The following DNAJC3 variants were observed in gnomAD, a reference collection of about 807,000 sequenced individuals.
DNAJC3 encodes the protein DnaJ heat shock protein family (Hsp40) member C3.
A neutral mutation model predicts 68.6 loss-of-function variants in DNAJC3; 38 were observed. That is an observed-to-expected ratio of 0.55 (90% CI 0.43 to 0.73). The LOEUF (loss-of-function observed/expected upper bound fraction) is 0.73, where lower values mean the gene tolerates loss of function less well. Ranked by LOEUF, DNAJC3 falls within the 30% of genes least tolerant of loss-of-function variation. The pLI, the probability that DNAJC3 is intolerant of heterozygous loss-of-function variation, is 0.00. For missense variants in DNAJC3, 526 were observed against 591.9 expected (o/e 0.89, Z 1.16); for synonymous variants, 203 against 204.0 (o/e 1.00, Z 0.04).
At chr13:95,686,219 C>T (rs1471951242) in intron 1 of DNAJC3, among the ~76,000 whole-genome samples, 1 of 152,104 alleles carries the variant, frequency 6.6e-6, no homozygotes, top group Non-Finnish European at 1.5e-5. Context: ...CCTTGGCCTC[C>T]CAAAGTGCTG....
intron 1 of DNAJC3, among the ~76,000 whole-genome samples, chr13:95,704,849 G>GTTTTTTTTTTTTTTTTTTTTTTT (rs1292968162): frequency 2.9e-5 from 3 of 102,884 alleles, no homozygotes; most frequent in African/African-American, 2.2e-4. Flanking sequence ...CTGTGTGTGT[G>GTTTTTTTTTTTTTTTTTTTTTTT]TGTTTTTTTT....
At chr13:95,760,574 G>C in intron 6 of DNAJC3, 105 bp from the exon 7 acceptor site, 1 of 1,418,642 alleles carries the variant, frequency 7.0e-7, no homozygotes, top group Non-Finnish European at 9.4e-7. Flanking sequence ...TATGGTTTTT[G>C]TTTAATCGTT....
chr13:95,776,430 G>A (rs1310411991), intron 9 of DNAJC3, among the ~76,000 whole-genome samples: 1 of 152,160 alleles, frequency 6.6e-6, no homozygotes, highest in East Asian at 1.9e-4. Flanking sequence ...TTACTGGGAG[G>A]TGGCTTAGTG....
chr13:95,710,022 C>T (rs1880905211), intron 2 of DNAJC3, among the ~76,000 whole-genome samples: 1 of 152,096 alleles, frequency 6.6e-6, no homozygotes, highest in African/African-American at 2.4e-5. Context: ...CACTTGATAT[C>T]CTTGGGAGAT....
At chr13:95,695,151 T>G (rs1159051971) in intron 1 of DNAJC3, 1 of 152,172 alleles carries the variant, frequency 6.6e-6, no homozygotes, top group African/African-American at 2.4e-5. Context: ...CCGTAGCAAT[T>G]CTCCACCTTT....
In DNAJC3 at chr13:95,763,703, A is replaced by T. The variant is rs540620422; in HGVS notation, c.909A>T (p.Glu303Asp). 2 of 1,614,092 alleles carry T rather than the reference A, an allele frequency of 1.2e-6. No individual in the cohort carries two copies. The highest frequency in any genetic ancestry group is 1.7e-6 in the Non-Finnish European group (2 of 1,179,948). Reference protein sequence around the residue: ...SVMKTEPSIAEYTVRSKERIC... With the variant: ...SVMKTEPSIADYTVRSKERIC... The stretch of plus-strand genomic sequence containing the variant: ...TGAAAACAGAGCCAAGCATTGCTGA[A>T]TATACAGTTCGTTCAAAGGAGAGGA... Residue 303 changes from glutamate to aspartate, a missense_variant, in exon 8 of 12, where the codon GAA (glutamate) becomes GAT (aspartate). By Grantham distance (45) the Glu-to-Asp change is conservative (BLOSUM62 2). Transcript: ENST00000602402.
intron 9 of DNAJC3, among the ~76,000 whole-genome samples, chr13:95,766,872 T>TG (rs1253915469): frequency 6.6e-6 from 1 of 152,220 alleles, no homozygotes; most frequent in East Asian, 1.9e-4. Flanking sequence ...TGGCTAATTT[T>TG]TGTGTTTTTA....
chr13:95,697,720 T>C (rs1880481030), intron 1 of DNAJC3, among the ~76,000 whole-genome samples: 1 of 152,068 alleles, frequency 6.6e-6, no homozygotes, highest in African/African-American at 2.4e-5. Flanking sequence ...AAAATTCTTT[T>C]AAGATTTTAA....
chr13:95,724,403 AAG>A (rs1881438891), intron 3 of DNAJC3, among the ~76,000 whole-genome samples: 1 of 152,214 alleles, frequency 6.6e-6, no homozygotes, highest in Non-Finnish European at 1.5e-5. Flanking sequence ...ACATTAGAAG[AAG>A]AGGAATATCA....
intron 1 of DNAJC3, among the ~76,000 whole-genome samples, chr13:95,688,566 A>T (rs775677279): frequency 3.5e-4 from 53 of 150,834 alleles, no homozygotes; most frequent in Non-Finnish European, 6.5e-4. Context: ...CCCAGGCTGG[A>T]GTGCAGTGGC....
chr13:95,720,992 A>G (rs1481138849), intron 2 of DNAJC3, among the ~76,000 whole-genome samples: 3 of 152,092 alleles, frequency 2.0e-5, no homozygotes, highest in Non-Finnish European at 4.4e-5. Context: ...AGTCATCACT[A>G]TCCATTTCCA....
chr13:95,717,339 C>T (rs1434023917), intron 2 of DNAJC3, among the ~76,000 whole-genome samples: 1 of 152,136 alleles, frequency 6.6e-6, no homozygotes, highest in Admixed American at 6.6e-5. Context: ...ACATTTCAAC[C>T]TCACTTCTGA....
intron 1 of DNAJC3, among the ~76,000 whole-genome samples, chr13:95,686,771 G>C (rs1026590172): frequency 1.3e-5 from 2 of 152,212 alleles, no homozygotes; most frequent in African/African-American, 4.8e-5. Flanking sequence ...TGCCATTTTA[G>C]TTACTATAGC....
At chr13:95,769,358 G>A (rs1057452188) in intron 9 of DNAJC3, among the ~76,000 whole-genome samples, 1 of 152,114 alleles carries the variant, frequency 6.6e-6, no homozygotes, top group African/African-American at 2.4e-5. Context: ...AGGGGTTCCT[G>A]GCTTCTGTTT....
At chr13:95,722,865 T>C (rs1440376806) in intron 2 of DNAJC3, among the ~76,000 whole-genome samples, 2 of 128,966 alleles carry the variant, frequency 1.6e-5, no homozygotes. Flanking sequence ...AAGTTGAATA[T>C]AGTTAATATT....
At chr13:95,699,372 C>T (rs1330763386) in intron 1 of DNAJC3, among the ~76,000 whole-genome samples, 1 of 152,182 alleles carries the variant, frequency 6.6e-6, no homozygotes, top group Non-Finnish European at 1.5e-5. Context: ...GAGTAACTCA[C>T]CCTCTGGGGT....
chr13:95,756,374 GGTTACCAATTCCTA>G (rs1396937476), intron 4 of DNAJC3, among the ~76,000 whole-genome samples: 4 of 152,146 alleles, frequency 2.6e-5, no homozygotes, highest in African/African-American at 9.7e-5. Flanking sequence ...AGTGAGTGGA[GGTTACCAATTCCTA>G]GTTACCAATG....
chr13:95,688,927 GGTGTGTGTGTGTGTGTGTGT>G lies in DNAJC3; in HGVS notation c.82+11610_82+11629del, dbSNP rs57546561. On this transcript the variant is annotated intron_variant, in intron 1 of 11. Coordinates refer to ENST00000602402, the MANE Select transcript of DNAJC3 (RefSeq NM_006260.5). ...GAGACAAAGCCCATTTGATTGTGTG[GGTGTGTGTGTGTGTGTGTGT>G]GTGTGTGTGTGTGTGTGTGCGCGCT... 5.4e-5 allele frequency among the ~76,000 whole-genome samples: 7 copies of G among 129,752 alleles called. 1 individual carries two copies. Among genetic ancestry groups the G allele is most frequent in the African/African-American group, 1.8e-4 (6 of 32,588 alleles). The allele number at this position is 129,752 out of a possible 152,430, so 85.1% of individuals were successfully genotyped here.
At chr13:95,724,391 A>C (rs954966249) in intron 3 of DNAJC3, among the ~76,000 whole-genome samples, 16 of 152,234 alleles carry the variant, frequency 1.1e-4, no homozygotes, top group Non-Finnish European at 1.8e-4. Context: ...ACGGGATTAC[A>C]CACATTAGAA....
Sources: gnomAD v4.1 joint callset for allele counts (sites outside exome capture counted in the v4.1 genomes callset) on GRCh38, gnomAD v4.1.1 for gene constraint, MANE v1.5 for transcripts, NCBI Gene and HGNC (gene_info 2026-07-23, HGNC 2026-07-21) for gene names.